Variants in ESRRG observed in about 807,000 individuals in gnomAD.
ESRRG encodes the protein estrogen related receptor gamma.
ESRRG carries 13 observed loss-of-function variants against 44.0 expected under a neutral mutation model. The observed-to-expected ratio is 0.30, with a 90% confidence interval of 0.19 to 0.47. The LOEUF (loss-of-function observed/expected upper bound fraction) is 0.47. Ranked by LOEUF, ESRRG falls within the 20% of genes least tolerant of loss-of-function variation. The probability of loss-of-function intolerance (pLI) is 1.00; values close to 1 mark genes in which losing one functional copy is unlikely to be tolerated. For missense variants in ESRRG, 395 were observed against 580.6 expected, an observed-to-expected ratio of 0.68 and a Z score of 3.29; for synonymous variants, 215 against 214.6, an observed-to-expected ratio of 1.00 and a Z score of -0.02.
rs11572545 is a variant in ESRRG, at chr1:216,875,176, C to T, written c.-14+64406G>A. ...TATTCATTCTCTTCCTCTAGAGAAC[C>T]CTAATACGAGCCCTGAAAAAGACAG... On this transcript the variant is annotated intron_variant, in intron 2 of 7. Coordinates refer to the ESRRG transcript ENST00000359162. Among the ~76,000 whole-genome samples, 768 of 152,234 alleles carry T rather than the reference C, an allele frequency of 5.0e-3. 7 individuals are homozygous for T. The highest frequency in any genetic ancestry group is 0.018 in the African/African-American group (753 of 41,532).
chr1:217,070,651 G>A (rs2090438368), intron 1 of ESRRG, among the ~76,000 whole-genome samples: 1 of 152,186 alleles, frequency 6.6e-6, no homozygotes, highest in Non-Finnish European at 1.5e-5. Flanking sequence ...CAAAGTGCTG[G>A]CATGACAGGC....
At chr1:216,604,268 G>A (rs1023624793) in intron 3 of ESRRG, among the ~76,000 whole-genome samples, 25 of 152,126 alleles carry the variant, frequency 1.6e-4, no homozygotes, top group African/African-American at 6.0e-4. Flanking sequence ...GGAAGTGTTC[G>A]GCACATCAGA....
intron 1 of ESRRG, among the ~76,000 whole-genome samples, chr1:217,084,840 T>C (rs748638879): frequency 1.3e-5 from 2 of 152,214 alleles, no homozygotes; most frequent in East Asian, 1.9e-4. Flanking sequence ...TCAACCTTTT[T>C]TGTGTGTGTG....
intron 1 of ESRRG, among the ~76,000 whole-genome samples, chr1:217,003,112 T>G (rs1009194446): frequency 6.6e-6 from 1 of 152,124 alleles, no homozygotes; most frequent in Non-Finnish European, 1.5e-5. Context: ...AACTAAACAT[T>G]TAGTAATAAG....
chr1:216,726,533 G>A (rs2087554467), upstream of ESRRG, among the ~76,000 whole-genome samples: 1 of 151,858 alleles, frequency 6.6e-6, no homozygotes, highest in Non-Finnish European at 1.5e-5. Context: ...AAAAAATCTG[G>A]AAAAACAAAT....
rs116888796 is a variant in ESRRG, at chr1:216,637,490, A to G, written c.589+13483T>C. On this transcript the variant is annotated intron_variant, in intron 3 of 6. Transcript: ENST00000408911. ...CACAAAGGAAGTAATAGCAGAGAAC[A>G]GCAGCTTCCATGTGACTTAAAGGAT... 5.1e-3 allele frequency among the ~76,000 whole-genome samples: 781 copies of G among 152,350 alleles called. 17 individuals carry two copies. In the East Asian group the frequency reaches 0.064, roughly 12 times the overall value.
intron 1 of ESRRG, among the ~76,000 whole-genome samples, chr1:216,980,209 C>A (rs553444167): frequency 5.6e-4 from 86 of 152,282 alleles, no homozygotes; most frequent in African/African-American, 1.6e-3. Flanking sequence ...CCACTGTGCA[C>A]AGAATGGTAA....
intron 5 of ESRRG, among the ~76,000 whole-genome samples, chr1:216,550,568 G>A (rs1558433030): frequency 1.3e-5 from 2 of 152,210 alleles, no homozygotes; most frequent in South Asian, 2.1e-4. Flanking sequence ...CTAAGAGCTT[G>A]ATAAGAGGAT....
At chr1:216,601,341 C>T (rs531752816) in intron 3 of ESRRG, among the ~76,000 whole-genome samples, 1 of 152,082 alleles carries the variant, frequency 6.6e-6, no homozygotes, top group Non-Finnish European at 1.5e-5. Context: ...TGCGCGCGTC[C>T]GGAGCCGACG....
At chr1:216,816,943 G>A (rs954901057) in intron 2 of ESRRG, among the ~76,000 whole-genome samples, 8 of 151,950 alleles carry the variant, frequency 5.3e-5, no homozygotes, top group African/African-American at 1.9e-4. Flanking sequence ...TCAGTAACCA[G>A]ATATTCTCAT....
intron 1 of ESRRG, among the ~76,000 whole-genome samples, chr1:217,020,500 A>G (rs1464068352): frequency 6.6e-6 from 1 of 152,208 alleles, no homozygotes; most frequent in African/African-American, 2.4e-5. Context: ...CCTTCATATC[A>G]GAGCTTTGTC....
intron 2 of ESRRG, among the ~76,000 whole-genome samples, chr1:216,667,357 A>G (rs2074156393): frequency 6.6e-6 from 1 of 152,160 alleles, no homozygotes; most frequent in Non-Finnish European, 1.5e-5. Flanking sequence ...CTTATGTAAC[A>G]GGTACTTTAT....
chr1:216,726,354 T>C (rs2152100975), upstream of ESRRG, among the ~76,000 whole-genome samples: 3 of 152,284 alleles, frequency 2.0e-5, no homozygotes, highest in Middle Eastern at 3.4e-3. Flanking sequence ...TTCACTAAAC[T>C]TGTGAGACAG....
intron 3 of ESRRG, among the ~76,000 whole-genome samples, chr1:216,611,390 C>A (rs1282863225): frequency 6.6e-6 from 1 of 152,004 alleles, no homozygotes; most frequent in Non-Finnish European, 1.5e-5. Flanking sequence ...TATACCAGAT[C>A]TTAGCAGGGA....
At chr1:216,618,841 T>A (rs1419749393) in intron 3 of ESRRG, among the ~76,000 whole-genome samples, 1 of 152,204 alleles carries the variant, frequency 6.6e-6, no homozygotes, top group East Asian at 1.9e-4. Flanking sequence ...GAGAGATATA[T>A]GTAGGCACTC....
chr1:217,054,228 C>T (rs1357265667), intron 1 of ESRRG, among the ~76,000 whole-genome samples: 1 of 152,126 alleles, frequency 6.6e-6, no homozygotes, highest in Non-Finnish European at 1.5e-5. Flanking sequence ...CCCTCCTGTA[C>T]TTGACAGCCA....
At chr1:216,769,513 G>A (rs1018656901) in intron 2 of ESRRG, among the ~76,000 whole-genome samples, 3 of 152,090 alleles carry the variant, frequency 2.0e-5, no homozygotes, top group Admixed American at 1.3e-4. Flanking sequence ...ATAGTTACAG[G>A]TCTTGGTGAG....
rs193159104 is a variant in ESRRG, at chr1:216,632,444, C to T, written c.589+18529G>A. Among the ~76,000 whole-genome samples, 6 of 152,176 alleles carry T rather than the reference C, an allele frequency of 3.9e-5. No individual in the cohort carries two copies. The East Asian group carries it at 1.2e-3, about 29-fold the overall frequency. On this transcript the variant is annotated intron_variant, in intron 3 of 6. Coordinates refer to ENST00000408911, the MANE Select transcript of ESRRG (RefSeq NM_001438.4). ...TCATTTGAGTTGAAGTCTGACTAAG[C>T]CAAAAGGACTTATTAATTAAAGAAA...
At position 216,676,511 on chromosome 1, in the gene ESRRG, A is replaced by G. The variant is rs73090002; in HGVS notation, c.472+565T>C. Among the ~76,000 whole-genome samples, 1,344 of 152,298 alleles carry G rather than the reference A, an allele frequency of 8.8e-3. 23 individuals are homozygous for G. Among genetic ancestry groups the G allele is most frequent in the African/African-American group, 0.03 (1,235 of 41,562 alleles). On this transcript the variant is annotated intron_variant, in intron 2 of 6. Transcript: ENST00000408911. Reference sequence around the variant, plus strand: ...TTTGTCTAGAGCAGTGATTCTTAAAATTGGTCCCTGGACCGGCAGCATCAT... The same window carrying G: ...TTTGTCTAGAGCAGTGATTCTTAAAGTTGGTCCCTGGACCGGCAGCATCAT...
Sources: allele counts gnomAD v4.1 joint callset (sites outside exome capture counted in the v4.1 genomes callset), GRCh38; gene constraint gnomAD v4.1.1; transcripts MANE v1.5; gene names NCBI Gene and HGNC (gene_info 2026-07-23, HGNC 2026-07-21).